The following ERAP1 variants were observed in gnomAD, a reference collection of about 807,000 sequenced individuals.
ERAP1 encodes adipocyte-derived leucine aminopeptidase.
Under a neutral mutation model 103.7 loss-of-function variants are expected in ERAP1, and 86 were observed. That is an observed-to-expected ratio of 0.83 (90% CI 0.70 to 0.99). ERAP1 has a LOEUF of 0.99. Among genes scored for constraint, ERAP1 ranks in the 50% least tolerant of loss-of-function variants. ERAP1 has a pLI of 0.00. For missense variants in ERAP1, 1,009 were observed against 1,128.4 expected (o/e 0.89, Z 1.52); for synonymous variants, 398 against 402.4 (o/e 0.99, Z 0.13).
At chr5:96,789,344 G>T (rs111886458) in intron 10 of ERAP1, among the ~76,000 whole-genome samples, 1 of 152,024 alleles carries the variant, frequency 6.6e-6, no homozygotes, top group African/African-American at 2.4e-5. Context: ...AAAATTAACC[G>T]GGTGTAGTGG....
At chr5:96,881,262 G>A in the ERAP1 span, 1 of 376,428 alleles carries the variant, frequency 2.7e-6, no homozygotes, top group Non-Finnish European at 5.3e-6. Flanking sequence ...AATCAATTGG[G>A]AGGTCATTGC....
chr5:96,886,080 A>G, the ERAP1 span, among the ~76,000 whole-genome samples: 2 of 152,224 alleles, frequency 1.3e-5, no homozygotes, highest in Non-Finnish European at 2.9e-5. Context: ...TCACATCCAC[A>G]TCTTGGTCCT....
At chr5:96,849,840 A>C in the ERAP1 span, among the ~76,000 whole-genome samples, 1 of 152,168 alleles carries the variant, frequency 6.6e-6, no homozygotes, top group African/African-American at 2.4e-5. Flanking sequence ...GAGGCATGAC[A>C]CTGTTTAATT....
the ERAP1 span, chr5:96,873,505 T>G: frequency 4.4e-6 from 2 of 455,126 alleles, no homozygotes; most frequent in South Asian, 3.1e-5. Context: ...TTCTTGGGGC[T>G]GGCATTTACC....
rs1158382397 is a variant in ERAP1 at position 96,803,546 on chromosome 5, A to AG, written c.380_381insC (p.Gln128SerfsTer56). ...GAGCCAGCAGTGCAATTTGCTCCTG[A>AG]CGGGGGTGTTCCAGGACCTGCAGGG... On this transcript the variant is annotated frameshift_variant, in exon 2 of 19. Transcript: ENST00000443439. LOFTEE classifies it high-confidence loss of function. 1.2e-6 allele frequency: 2 copies of AG among 1,613,572 alleles called. No homozygotes were observed. The highest frequency in any genetic ancestry group is 1.7e-6 in the Non-Finnish European group (2 of 1,179,580).
At chr5:96,922,744 G>T in the ERAP1 span, among the ~76,000 whole-genome samples, 2 of 152,198 alleles carry the variant, frequency 1.3e-5, no homozygotes. Context: ...AAGCAACAAT[G>T]AATAAGTTGT....
chr5:96,911,882 G>GAAAA, the ERAP1 span, among the ~76,000 whole-genome samples: 2 of 109,654 alleles, frequency 1.8e-5, no homozygotes, highest in African/African-American at 7.0e-5. Flanking sequence ...AAAAAAAAAA[G>GAAAA]AAAGAAAGAA....
the ERAP1 span, among the ~76,000 whole-genome samples, chr5:96,831,444 G>T: frequency 3.9e-5 from 6 of 152,152 alleles, no homozygotes; most frequent in Non-Finnish European, 8.8e-5. Context: ...TTCCATCCAC[G>T]CACAGGAGGA....
chr5:96,786,536 C>T lies in ERAP1; in HGVS notation c.1693G>A (p.Val565Ile), dbSNP rs1487807455. The change falls in exon 12 of 19, where the codon GTT (valine) becomes ATT (isoleucine). Residue 565 changes from valine to isoleucine, a missense_variant. Physicochemically the swap from Val to Ile is conservative, Grantham distance 29. This residue lies in a region of ERAP1 where 611 missense variants were observed against 651.7 expected (regional missense o/e 0.94). Transcript: ENST00000443439. ...GAPDTGYLWH[V>I]PLTFITSKSD... ...TTGCTGGTGATGAATGTCAATGGAACATGCCACAGGTACCTAAAATAAAGG... is the reference window on the plus strand; with the variant it reads ...TTGCTGGTGATGAATGTCAATGGAATATGCCACAGGTACCTAAAATAAAGG... 2 of 1,611,468 alleles carry T rather than the reference C, an allele frequency of 1.2e-6. No individual in the cohort carries two copies. Among genetic ancestry groups the T allele is most frequent in the South Asian group, 2.2e-5 (2 of 91,026 alleles).
At chr5:96,793,564 T>A (rs763681987) in intron 6 of ERAP1, 51 bp from the exon 7 acceptor site, 1 of 1,353,034 alleles carries the variant, frequency 7.4e-7, no homozygotes, top group Non-Finnish European at 1.1e-6. Context: ...AGAAGTATAT[T>A]TTAGATGTCC....
chr5:96,931,739 C>T, the ERAP1 span, among the ~76,000 whole-genome samples: 5 of 152,140 alleles, frequency 3.3e-5, no homozygotes, highest in East Asian at 1.9e-4. Flanking sequence ...GAAAGAGACA[C>T]GGAAGAGTAA....
intron 4 of ERAP1, among the ~76,000 whole-genome samples, chr5:96,796,730 T>A (rs191752109): frequency 6.6e-6 from 1 of 152,244 alleles, no homozygotes; most frequent in Admixed American, 6.5e-5. Context: ...TGGCCAACCA[T>A]CCCAGTTTGC....
the ERAP1 span, among the ~76,000 whole-genome samples, chr5:96,877,640 C>T: frequency 6.6e-6 from 1 of 152,162 alleles, no homozygotes; most frequent in Non-Finnish European, 1.5e-5. Context: ...AAAAACTTTG[C>T]CCATGATCAC....
chr5:96,818,130 A>C, the ERAP1 span, among the ~76,000 whole-genome samples: 13 of 152,264 alleles, frequency 8.5e-5, no homozygotes, highest in African/African-American at 2.9e-4. Flanking sequence ...TTAGATTATG[A>C]AAGACACGGG....
At chr5:96,875,013 G>T in the ERAP1 span, among the ~76,000 whole-genome samples, 1 of 152,224 alleles carries the variant, frequency 6.6e-6, no homozygotes, top group African/African-American at 2.4e-5. Flanking sequence ...ACTAGGACTT[G>T]CCCCTCTGTA....
chr5:96,908,565 A>G, the ERAP1 span, among the ~76,000 whole-genome samples: 1 of 152,232 alleles, frequency 6.6e-6, no homozygotes, highest in Non-Finnish European at 1.5e-5. Flanking sequence ...CACATGAAGC[A>G]ATTAGAGAAT....
chr5:96,850,203 G>A, the ERAP1 span, among the ~76,000 whole-genome samples: 6 of 152,262 alleles, frequency 3.9e-5, no homozygotes, highest in African/African-American at 1.4e-4. Flanking sequence ...TCTTGCACCT[G>A]ACTCCAAAGG....
At chr5:96,839,317 C>T in the ERAP1 span, among the ~76,000 whole-genome samples, 4 of 152,364 alleles carry the variant, frequency 2.6e-5, no homozygotes, top group East Asian at 7.7e-4. Flanking sequence ...CCACCACCCC[C>T]CAGAGATCTG....
intron 2 of ERAP1, among the ~76,000 whole-genome samples, chr5:96,801,932 C>T (rs1300887759): frequency 6.8e-6 from 1 of 147,532 alleles, no homozygotes; most frequent in Non-Finnish European, 1.5e-5. Context: ...CATTAACAGG[C>T]AATTCATAAA....
Sources: gnomAD v4.1 joint callset for allele counts (sites outside exome capture counted in the v4.1 genomes callset) on GRCh38, gnomAD v4.1.1 for gene constraint, gnomAD v4.1.1 regional missense constraint, MANE v1.5 for transcripts, NCBI Gene and HGNC (gene_info 2026-07-23, HGNC 2026-07-21) for gene names.